CRYAB: variants seen among roughly 807,000 people sequenced by gnomAD.
CRYAB encodes the protein alpha-crystallin B chain.
A neutral mutation model predicts 12.7 loss-of-function variants in CRYAB; 9 were observed. The observed-to-expected ratio is 0.71, with a 90% CI of 0.43 to 1.24. CRYAB has a LOEUF of 1.24. Among genes scored for constraint, CRYAB ranks in the 50% most tolerant of loss-of-function variants. The probability of loss-of-function intolerance (pLI) is 0.00; values close to 1 mark genes in which losing one functional copy is unlikely to be tolerated. For synonymous variants in CRYAB, 93 were observed against 86.8 expected (o/e 1.07, Z -0.40); for missense variants, 183 against 226.6 (o/e 0.81, Z 1.24).
At position 111,918,902 on chromosome 11, in the gene CRYAB, A is replaced by G. The variant is rs587722893; in HGVS notation, c.-199+4801T>C. ...TCCGGGAGCTGCCGCGGAAAGCTCA[A>G]CCAGGAACCCGGAAATGCACAAGCC... is the stretch of plus-strand genomic sequence containing the variant. On this transcript the variant is annotated intron_variant, in intron 1 of 3. Transcript: ENST00000527950. 48 of 1,593,148 alleles carry G rather than the reference A, an allele frequency of 3.0e-5. No homozygotes were observed. In the South Asian group the frequency reaches 4.9e-4, roughly 16 times the overall value.
intron 1 of CRYAB, among the ~76,000 whole-genome samples, chr11:111,921,879 A>G (rs975668379): frequency 1.3e-5 from 2 of 151,654 alleles, no homozygotes; most frequent in African/African-American, 4.8e-5. Context: ...ATCTCCCAGT[A>G]TGGAGTGCAG....
upstream of CRYAB, chr11:111,913,363 T>G (rs1555165837): frequency 6.2e-6 from 7 of 1,124,168 alleles, no homozygotes; most frequent in Non-Finnish European, 7.8e-6. Context: ...CAATCCCTCC[T>G]CTCCAGATTT....
chr11:111,910,260 G>A, intron 2 of CRYAB, 67 bp downstream of exon 2: 1 of 1,597,796 alleles, frequency 6.3e-7, no homozygotes. Flanking sequence ...AAAGCTGATA[G>A]CACTACCTGG....
In CRYAB at chr11:111,911,719, G is replaced by A. The variant is rs782577028; in HGVS notation, c.6C>T (p.Asp2=). 2 of 1,582,510 alleles carry A rather than the reference G, an allele frequency of 1.3e-6. No homozygotes were observed. Among genetic ancestry groups the A allele is most frequent in the African/African-American group, 2.7e-5 (2 of 74,508 alleles). The stretch of plus-strand genomic sequence containing the variant: ...GGATCCAGGGGTGGTGGATGGCGAT[G>A]TCCATGGTGGCTAGGTGAGTGTGAG... M[D]IAIHHPWIRR... is the part of the protein sequence containing the mutation. Residue 2 remains aspartate (D), a synonymous_variant, in exon 1 of 3, where the codon GAC becomes GAT. Coordinates refer to ENST00000650687, the MANE Select transcript of CRYAB (RefSeq NM_001289808.2).
chr11:111,916,748 G>T (rs782047846), upstream of CRYAB, among the ~76,000 whole-genome samples: 9 of 152,118 alleles, frequency 5.9e-5, no homozygotes, highest in Non-Finnish European at 8.8e-5. Context: ...GGCATATGAG[G>T]TTTTCTGGCT....
At chr11:111,919,112 A>C in intron 1 of CRYAB, 1 of 1,234,370 alleles carries the variant, frequency 8.1e-7, no homozygotes, top group African/African-American at 1.5e-5. Flanking sequence ...TCCCACTGCC[A>C]CCTTCCTCTG....
intron 1 of CRYAB, among the ~76,000 whole-genome samples, chr11:111,920,635 G>A (rs763135649): frequency 5.9e-5 from 9 of 151,920 alleles, no homozygotes; most frequent in Non-Finnish European, 1.3e-4. Context: ...GTGGTGGTGC[G>A]TGCTTGTAAT....
At chr11:111,910,633 C>A in intron 1 of CRYAB, 184 bp from the exon 2 acceptor site, 1 of 738,278 alleles carries the variant, frequency 1.4e-6, no homozygotes. Flanking sequence ...CACAGTGATA[C>A]CTAAGGCTCA....
In CRYAB at chr11:111,911,592, T is replaced by C. The variant is rs1450798906; in HGVS notation, c.133A>G (p.Ser45Gly). 13 of 1,613,210 alleles carry C rather than the reference T, an allele frequency of 8.1e-6. No homozygotes were observed. Among genetic ancestry groups the C allele is most frequent in the African/African-American group, 2.7e-5 (2 of 74,860 alleles). The change falls in exon 1 of 3, where the codon AGT becomes GGT. Residue 45 changes from serine to glycine, a missense_variant. This residue lies in a region of CRYAB where 86 missense variants were observed against 96.1 expected (regional missense o/e 0.89). Transcript: ENST00000650687. ...SDLFPTSTSL[S>G]PFYLRPPSFL... The stretch of plus-strand genomic sequence containing the variant: ...GAGGGTGGCCGAAGGTAGAAGGGAC[T>C]CAGGGAAGTAGACGTCGGGAAAAGA...
intron 1 of CRYAB, among the ~76,000 whole-genome samples, chr11:111,923,093 T>A (rs1323122100): frequency 1.3e-5 from 2 of 152,182 alleles, no homozygotes; most frequent in Non-Finnish European, 2.9e-5. Flanking sequence ...TCTGTATCCA[T>A]TTAAATAAAA....
At chr11:111,914,712 A>T (rs1271965311), upstream of CRYAB, among the ~76,000 whole-genome samples, 1 of 152,176 alleles carries the variant, frequency 6.6e-6, no homozygotes, top group Non-Finnish European at 1.5e-5. Flanking sequence ...GAAGTGTCCA[A>T]AAGACCTTCC....
intron 1 of CRYAB, among the ~76,000 whole-genome samples, chr11:111,920,187 T>C (rs1379874884): frequency 4.0e-5 from 6 of 151,152 alleles, no homozygotes; most frequent in Admixed American, 2.0e-4. Context: ...AGAGCAAGAC[T>C]CCGTCTCAAA....
intron 1 of CRYAB, chr11:111,919,216 T>G: frequency 1.7e-6 from 1 of 598,350 alleles, no homozygotes; most frequent in Non-Finnish European, 3.0e-6. Context: ...GGCTCACGCC[T>G]CTACTCCCAG....
At chr11:111,913,370 A>G (rs1965532533), upstream of CRYAB, 1 of 1,206,994 alleles carries the variant, frequency 8.3e-7, no homozygotes, top group Non-Finnish European at 1.2e-6. Context: ...TCCTCTCCAG[A>G]TTTCCCATTT....
At chr11:111,921,829 A>G (rs1399143234) in intron 1 of CRYAB, among the ~76,000 whole-genome samples, 1 of 146,462 alleles carries the variant, frequency 6.8e-6, no homozygotes, top group Non-Finnish European at 1.5e-5. Context: ...GAATTATATT[A>G]TCATACTCAT....
In CRYAB at chr11:111,908,925, G is replaced by T; in HGVS notation, c.367C>A (p.Arg123=). Residue 123 remains arginine, a synonymous_variant, in exon 3 of 3, where the codon CGG becomes AGG. Transcript: ENST00000650687. ...AGAGGGTCTACATCAGCTGGGATCC[G>T]GTATTTCCTGTGGAACTCCCTGGAG... The part of the protein sequence containing the change: ...FISREFHRKY[R]IPADVDPLTI... 4 of 1,614,050 alleles carry T rather than the reference G, an allele frequency of 2.5e-6. No homozygotes were observed. The South Asian group carries it at 4.4e-5, about 18-fold the overall frequency.
chr11:111,919,243 G>A (rs1054682126), intron 1 of CRYAB: 8 of 535,032 alleles, frequency 1.5e-5, no homozygotes, highest in Non-Finnish European at 2.4e-5. Flanking sequence ...GGGAGGCCGA[G>A]GCCGGCGGAT....
chr11:111,912,776 G>A, upstream of CRYAB: 1 of 1,436,676 alleles, frequency 7.0e-7, no homozygotes, highest in African/African-American at 1.4e-5. Context: ...GAGGGGTCGC[G>A]CTGCGCCTGT....
At chr11:111,912,894 G>A (rs782720917), upstream of CRYAB, 2 of 1,609,198 alleles carry the variant, frequency 1.2e-6, no homozygotes. Flanking sequence ...GCCAACCCGA[G>A]CCGCCTGGGT....
Sources: gnomAD v4.1 joint callset for allele counts (sites outside exome capture counted in the v4.1 genomes callset) on GRCh38, gnomAD v4.1.1 for gene constraint, gnomAD v4.1.1 regional missense constraint, MANE v1.5 for transcripts, NCBI Gene and HGNC (gene_info 2026-07-23, HGNC 2026-07-21) for gene names.